Variants in SLC24A2 observed in about 807,000 individuals in gnomAD.
SLC24A2 encodes the protein sodium/potassium/calcium exchanger 2.
In SLC24A2, 36 loss-of-function variants were observed where a neutral mutation model predicts 62.0. The observed-to-expected ratio is 0.58, with a 90% CI of 0.44 to 0.77. The LOEUF (loss-of-function observed/expected upper bound fraction) is 0.77, where lower values mean the gene tolerates loss of function less well. SLC24A2 is among the 30% of genes least tolerant of loss of function. The probability of loss-of-function intolerance (pLI) is 0.00; values close to 1 mark genes in which losing one functional copy is unlikely to be tolerated. For synonymous variants in SLC24A2, 358 were observed against 294.0 expected (o/e 1.22, Z -2.23); for missense variants, 846 against 817.9 (o/e 1.03, Z -0.42).
the SLC24A2 span, among the ~76,000 whole-genome samples, chr9:19,885,229 G>A: frequency 1.2e-4 from 19 of 152,168 alleles, no homozygotes; most frequent in Non-Finnish European, 2.1e-4. Flanking sequence ...ACCCATCACT[G>A]TGGCCAGATG....
chr9:19,842,189 C>T, the SLC24A2 span, among the ~76,000 whole-genome samples: 2 of 152,216 alleles, frequency 1.3e-5, 1 homozygote, highest in South Asian at 4.1e-4. Context: ...GTCAGCACCG[C>T]ATCCAAGGAC....
chr9:20,286,525 A>C, the SLC24A2 span, among the ~76,000 whole-genome samples: 1 of 152,384 alleles, frequency 6.6e-6, no homozygotes, highest in African/African-American at 2.4e-5. Context: ...AAGGTTTTAC[A>C]GAAAAGCAGA....
the SLC24A2 span, among the ~76,000 whole-genome samples, chr9:20,215,722 T>C: frequency 2.6e-5 from 4 of 152,182 alleles, no homozygotes; most frequent in Admixed American, 6.5e-5. Context: ...GGCTTTTGTC[T>C]GCCAGCACCT....
At chr9:19,854,282 T>G in the SLC24A2 span, among the ~76,000 whole-genome samples, 1 of 152,046 alleles carries the variant, frequency 6.6e-6, no homozygotes, top group Non-Finnish European at 1.5e-5. Context: ...TTTTGAAGGG[T>G]TTTTCATGTC....
intron 2 of SLC24A2, among the ~76,000 whole-genome samples, chr9:19,636,304 CTTTTCTTTTCTTTTCTTT>C (rs1564009553): frequency 2.4e-5 from 1 of 42,496 alleles, no homozygotes; most frequent in African/African-American, 1.0e-4. Flanking sequence ...CTTTTCTTTT[CTTTTCTTTTCTTTTCTTT>C]CTTTCTTTCT....
chr9:19,807,422 G>T, the SLC24A2 span, among the ~76,000 whole-genome samples: 1 of 152,152 alleles, frequency 6.6e-6, no homozygotes, highest in Non-Finnish European at 1.5e-5. Context: ...ACATCCTTTA[G>T]GGAGAACTGA....
the SLC24A2 span, among the ~76,000 whole-genome samples, chr9:19,943,442 T>G: frequency 6.6e-6 from 1 of 152,144 alleles, no homozygotes; most frequent in African/African-American, 2.4e-5. Flanking sequence ...TTATTTTCAT[T>G]ATATTTCTTA....
the SLC24A2 span, among the ~76,000 whole-genome samples, chr9:20,121,616 T>G: frequency 6.6e-6 from 1 of 152,330 alleles, no homozygotes; most frequent in South Asian, 2.1e-4. Flanking sequence ...AAACGTGTTA[T>G]AAGTGCTTAC....
intron 2 of SLC24A2, among the ~76,000 whole-genome samples, chr9:19,634,431 G>A (rs1005137467): frequency 2.0e-5 from 3 of 152,032 alleles, no homozygotes; most frequent in African/African-American, 7.2e-5. Flanking sequence ...TGGGAATACA[G>A]GCATGCGCCA....
chr9:19,990,339 C>T, the SLC24A2 span, among the ~76,000 whole-genome samples: 20 of 152,014 alleles, frequency 1.3e-4, no homozygotes, highest in African/African-American at 4.8e-4. Context: ...AGGCTGGGCA[C>T]GGTGGCTCGT....
the SLC24A2 span, among the ~76,000 whole-genome samples, chr9:19,828,029 C>A: frequency 1.3e-5 from 2 of 152,198 alleles, no homozygotes; most frequent in Non-Finnish European, 2.9e-5. Flanking sequence ...TAATTTTTAA[C>A]AACCCAGCCT....
the SLC24A2 span, among the ~76,000 whole-genome samples, chr9:20,195,398 T>C: frequency 1.3e-5 from 2 of 152,328 alleles, no homozygotes; most frequent in East Asian, 1.9e-4. Flanking sequence ...TGTGTTTTTA[T>C]TGATGTTTTA....
chr9:19,527,533 A>C (rs1430296429), intron 9 of SLC24A2, among the ~76,000 whole-genome samples: 1 of 152,230 alleles, frequency 6.6e-6, no homozygotes, highest in African/African-American at 2.4e-5. Flanking sequence ...CATGTTTTTC[A>C]ATAATGATTA....
chr9:19,974,875 C>T, the SLC24A2 span, among the ~76,000 whole-genome samples: 1 of 152,206 alleles, frequency 6.6e-6, no homozygotes, highest in Non-Finnish European at 1.5e-5. Context: ...GATGCTTTTG[C>T]TTCCTCACAG....
At chr9:19,917,352 T>TA in the SLC24A2 span, among the ~76,000 whole-genome samples, 1 of 121,598 alleles carries the variant, frequency 8.2e-6, no homozygotes, top group South Asian at 3.7e-4. Context: ...TCTTTTTGTG[T>TA]GGTTTTTTTT....
At chr9:20,075,740 C>G in the SLC24A2 span, among the ~76,000 whole-genome samples, 30 of 152,294 alleles carry the variant, frequency 2.0e-4, no homozygotes, top group East Asian at 4.8e-3. Flanking sequence ...AAATATTCCC[C>G]TTTACTAGTA....
intron 2 of SLC24A2, among the ~76,000 whole-genome samples, chr9:19,667,207 T>G (rs1819280323): frequency 6.6e-6 from 1 of 152,180 alleles, no homozygotes; most frequent in African/African-American, 2.4e-5. Flanking sequence ...GACAGAGAGC[T>G]TGCCAAAGCC....
the SLC24A2 span, among the ~76,000 whole-genome samples, chr9:20,255,248 G>A: frequency 6.6e-6 from 1 of 152,158 alleles, no homozygotes; most frequent in Non-Finnish European, 1.5e-5. Context: ...TGATGCACTG[G>A]TAATGACTGC....
chr9:19,837,452 C>G, the SLC24A2 span, among the ~76,000 whole-genome samples: 3 of 81,920 alleles, frequency 3.7e-5, no homozygotes, highest in East Asian at 1.1e-3. Context: ...GAGCGAGACT[C>G]CGTCTCAAAA....
Sources: allele counts gnomAD v4.1 joint callset (sites outside exome capture counted in the v4.1 genomes callset), GRCh38; gene constraint gnomAD v4.1.1; transcripts MANE v1.5; gene names NCBI Gene and HGNC (gene_info 2026-07-23, HGNC 2026-07-21).